The following ZNF585A variants were observed in gnomAD, a reference collection of about 807,000 sequenced individuals.
ZNF585A encodes the protein zinc finger protein 585A.
Under a neutral mutation model 14.9 loss-of-function variants are expected in ZNF585A, and 9 were observed. The observed-to-expected ratio is 0.60, with a 90% CI of 0.36 to 1.05. The LOEUF (loss-of-function observed/expected upper bound fraction) is 1.05. Ranked by LOEUF, ZNF585A falls within the 50% of genes least tolerant of loss-of-function variation. ZNF585A has a pLI of 0.01. For missense variants in ZNF585A, 726 were observed against 926.4 expected, an observed-to-expected ratio of 0.78 and a Z score of 2.81; for synonymous variants, 276 against 319.9, an observed-to-expected ratio of 0.86 and a Z score of 1.46.
At chr19:37,163,247 AT>A (rs1249383914) in intron 2 of ZNF585A, among the ~76,000 whole-genome samples, 1 of 152,060 alleles carries the variant, frequency 6.6e-6, no homozygotes, top group Non-Finnish European at 1.5e-5. Context: ...CAAAGATGCT[AT>A]GAGTAAAAGG....
At chr19:37,156,996 A>T (rs1404365304) in intron 2 of ZNF585A, among the ~76,000 whole-genome samples, 2 of 152,136 alleles carry the variant, frequency 1.3e-5, no homozygotes, top group African/African-American at 4.8e-5. Context: ...GGCCTCTCTT[A>T]ATACTTCAAA....
chr19:37,167,589 T>TTTTATTTATTTTATTTTATTTA (rs1972113757), intron 2 of ZNF585A, among the ~76,000 whole-genome samples: 2 of 144,086 alleles, frequency 1.4e-5, no homozygotes, highest in African/African-American at 5.3e-5. Context: ...TTACTTTTTA[T>TTTTATTTATTTTATTTTATTTA]TTTTATTTTA....
chr19:37,167,583 T>TTTTA (rs1972112717), intron 2 of ZNF585A, among the ~76,000 whole-genome samples: 3 of 148,422 alleles, frequency 2.0e-5, no homozygotes, highest in African/African-American at 7.6e-5. Context: ...AGCCTTTTAC[T>TTTTA]TTTTATTTTT....
rs1717066 is a variant in ZNF585A, at chr19:37,152,546, C to T, written c.1353G>A (p.Ser451=). ...GHCGKLFTSK[S]QLHVHKRIHT... ...GAATTCGTTTATGAACATGGAGTTG[C>T]GACTTGGAGGTAAACAATTTCCCAC... The change falls in exon 5 of 5, where the codon TCG becomes TCA. Residue 451 remains serine, a synonymous_variant. Transcript: ENST00000292841. The T allele has an allele frequency of 2.4e-4, 385 of 1,613,884 alleles. No individual in the cohort carries two copies. The highest frequency in any genetic ancestry group is 1.6e-3 in the African/African-American group (121 of 74,914).
intron 4 of ZNF585A, among the ~76,000 whole-genome samples, chr19:37,154,876 T>C (rs1261164523): frequency 1.4e-5 from 2 of 148,062 alleles, no homozygotes; most frequent in East Asian, 4.0e-4. Context: ...TGACACAGAG[T>C]AACTTTGAAA....
chr19:37,160,813 G>T (rs947325861), intron 2 of ZNF585A, among the ~76,000 whole-genome samples: 4 of 151,966 alleles, frequency 2.6e-5, no homozygotes, highest in Non-Finnish European at 4.4e-5. Context: ...AAAAGCTCCC[G>T]AAAAAGAAAC....
intron 2 of ZNF585A, among the ~76,000 whole-genome samples, chr19:37,161,464 A>G (rs1972011926): frequency 6.6e-6 from 1 of 152,224 alleles, no homozygotes. Context: ...CTCATTGCAC[A>G]ATTGATGAGA....
chr19:37,151,340 A>G lies in ZNF585A; in HGVS notation c.*249T>C, dbSNP rs957884785. 2 of 462,680 alleles carry G rather than the reference A, an allele frequency of 4.3e-6. No homozygotes were observed. The highest frequency in any genetic ancestry group is 2.0e-5 in the African/African-American group (1 of 50,840). The allele number at this position is 462,680 out of a possible 1,614,324, so 28.7% of individuals were successfully genotyped here. A position where few individuals can be genotyped will look rare whatever the true frequency, so the allele number is the denominator to read the frequency against. ...TAGTTTTCATGAGAAGGCTTTTCCT[A>G]TTCACCAAATTGACTCGGTTCCTTG... On this transcript the variant is annotated 3_prime_UTR_variant, in exon 5 of 5. Transcript: ENST00000292841.
chr19:37,155,056 A>T (rs1312899661), intron 4 of ZNF585A, among the ~76,000 whole-genome samples: 2 of 141,248 alleles, frequency 1.4e-5, no homozygotes, highest in African/African-American at 2.7e-5. Flanking sequence ...GCTGGAGTGC[A>T]GTGGCGCGAT....
intron 2 of ZNF585A, among the ~76,000 whole-genome samples, chr19:37,164,408 A>T (rs75578921): frequency 7.3e-5 from 4 of 54,792 alleles, no homozygotes; most frequent in Non-Finnish European, 1.5e-4. Context: ...GTCTCAAATT[A>T]AAAAAAAAAG....
rs1971924739 is a variant in ZNF585A at position 37,156,088 on chromosome 19, A to C, written c.200-131T>G. The C allele has an allele frequency of 1.7e-5, 27 of 1,552,450 alleles. No individual in the cohort carries two copies. The South Asian group carries it at 3.2e-4, about 18-fold the overall frequency. On this transcript the variant is annotated intron_variant, in intron 3 of 4. Coordinates refer to ENST00000292841, the MANE Select transcript of ZNF585A (RefSeq NM_001288800.2). ...CATAACTTTTCAGGGTAAAATTCTG[A>C]GTGCCCTAAACAAATAAAGAATCCT...
Position 37,152,507 on chromosome 19 carries a change from C to A in ZNF585A, c.1392G>T (p.Lys464Asn). The A allele has an allele frequency of 6.2e-7, 1 of 1,614,098 alleles. No homozygotes were observed. Among genetic ancestry groups the A allele is most frequent in the Non-Finnish European group, 8.5e-7 (1 of 1,180,012 alleles). Residue 464 changes from lysine (K) to asparagine (N), a missense_variant, in exon 5 of 5, where the codon AAG becomes AAT. Physicochemically the swap from Lys to Asn is moderately conservative, Grantham distance 94. Coordinates refer to ENST00000292841, the MANE Select transcript of ZNF585A (RefSeq NM_001288800.2). Reference protein sequence around the residue: ...HVHKRIHTGEKPYMCNKCGKA... With the variant: ...HVHKRIHTGENPYMCNKCGKA... ...TCCCACATTTATTGCACATATAGGG[C>A]TTTTCTCCTGTGTGAATTCGTTTAT...
chr19:37,166,423 A>T (rs1002918356), intron 2 of ZNF585A, among the ~76,000 whole-genome samples: 3 of 149,300 alleles, frequency 2.0e-5, no homozygotes, highest in African/African-American at 7.4e-5. Flanking sequence ...GGGTTCAAGC[A>T]ATTCTCCTGC....
intron 2 of ZNF585A, among the ~76,000 whole-genome samples, chr19:37,161,242 T>C (rs1972009145): frequency 1.3e-5 from 2 of 151,216 alleles, no homozygotes. Context: ...CCCAACAAAA[T>C]GTCAGCAAAC....
chr19:37,162,115 G>A (rs1568497366), intron 2 of ZNF585A, among the ~76,000 whole-genome samples: 2 of 152,132 alleles, frequency 1.3e-5, no homozygotes, highest in Admixed American at 6.5e-5. Context: ...GTTGAGATGG[G>A]GTTTCACCAT....
chr19:37,156,919 T>C (rs929650136), intron 2 of ZNF585A, among the ~76,000 whole-genome samples: 1 of 152,342 alleles, frequency 6.6e-6, no homozygotes, highest in East Asian at 1.9e-4. Context: ...CTTGAACTGC[T>C]GACCTCAGGT....
In ZNF585A at chr19:37,152,070, T is replaced by C. The variant is rs1971840402; in HGVS notation, c.1829A>G (p.Asp610Gly). ...HTGEKPYECS[D>G]CGKSFTSKSQ... Reference sequence around the variant, plus strand: ...CTTGGAGGTAAAGGACTTCCCACAGTCACTGCATTCATAAGGCTTCTCTCC... The same window carrying C: ...CTTGGAGGTAAAGGACTTCCCACAGCCACTGCATTCATAAGGCTTCTCTCC... Residue 610 changes from aspartate to glycine, a missense_variant, in exon 5 of 5, where the codon GAC becomes GGC. Coordinates refer to ENST00000292841, the MANE Select transcript of ZNF585A (RefSeq NM_001288800.2). 6.3e-7 allele frequency: 1 copy of C among 1,598,754 alleles called. No homozygotes were observed. The highest frequency in any genetic ancestry group is 8.5e-7 in the Non-Finnish European group (1 of 1,171,150).
intron 2 of ZNF585A, among the ~76,000 whole-genome samples, chr19:37,160,211 C>G (rs1034686737): frequency 2.0e-5 from 3 of 151,570 alleles, no homozygotes; most frequent in African/African-American, 7.3e-5. Context: ...TGTGCACTTC[C>G]CAAATAGTGG....
At chr19:37,158,036 C>T (rs886577856) in intron 2 of ZNF585A, among the ~76,000 whole-genome samples, 2 of 151,796 alleles carry the variant, frequency 1.3e-5, no homozygotes, top group South Asian at 2.1e-4. Context: ...TACAGGCGCA[C>T]GCCACCACAC....
Sources: gnomAD v4.1 joint callset for allele counts (sites outside exome capture counted in the v4.1 genomes callset) on GRCh38, gnomAD v4.1.1 for gene constraint, MANE v1.5 for transcripts, NCBI Gene and HGNC (gene_info 2026-07-23, HGNC 2026-07-21) for gene names.